The following NDST3 variants were observed in gnomAD, a reference collection of about 807,000 sequenced individuals.
The protein encoded by NDST3 is bifunctional heparan sulfate N-deacetylase/N-sulfotransferase 3.
A neutral mutation model predicts 96.1 loss-of-function variants in NDST3; 58 were observed. That is an observed-to-expected ratio of 0.60 (90% CI 0.49 to 0.75). The LOEUF is 0.75. Among genes scored for constraint, NDST3 ranks in the 30% least tolerant of loss-of-function variants. NDST3 has a pLI of 0.00. For synonymous variants in NDST3, 333 were observed against 359.7 expected (o/e 0.93, Z 0.84); for missense variants, 788 against 1,034.2 (o/e 0.76, Z 3.27).
At chr4:118,190,420 G>A (rs981442412) in intron 6 of NDST3, among the ~76,000 whole-genome samples, 2 of 152,096 alleles carry the variant, frequency 1.3e-5, no homozygotes, top group African/African-American at 4.8e-5. Context: ...ATGTCTATGT[G>A]TTAATTAATT....
intron 4 of NDST3, among the ~76,000 whole-genome samples, chr4:118,132,244 G>C (rs891792324): frequency 2.6e-5 from 4 of 152,172 alleles, no homozygotes; most frequent in African/African-American, 9.7e-5. Flanking sequence ...CTGACATTCT[G>C]TTCTACTATG....
At chr4:118,086,154 CT>C (rs1728400764) in intron 2 of NDST3, among the ~76,000 whole-genome samples, 1 of 152,114 alleles carries the variant, frequency 6.6e-6, no homozygotes, top group Non-Finnish European at 1.5e-5. Flanking sequence ...ACCCATAAAT[CT>C]TCTGTCCCTT....
chr4:118,125,681 A>G (rs1432299025), intron 4 of NDST3, among the ~76,000 whole-genome samples: 1 of 152,114 alleles, frequency 6.6e-6, no homozygotes, highest in Non-Finnish European at 1.5e-5. Context: ...ACACAGAATT[A>G]TAAACCTGGA....
intron 3 of NDST3, among the ~76,000 whole-genome samples, chr4:118,112,083 G>A (rs1417181994): frequency 6.6e-6 from 1 of 151,316 alleles, no homozygotes; most frequent in Non-Finnish European, 1.5e-5. Flanking sequence ...AATCTATAAA[G>A]AGAAGACATA....
rs140595945 is a variant in NDST3 at position 118,175,357 on chromosome 4, G to T, written c.1539+31673G>T. Among the ~76,000 whole-genome samples the T allele has an allele frequency of 1.5e-3, 226 of 151,704 alleles. 1 individual carries two copies. The highest frequency in any genetic ancestry group is 2.9e-3 in the Non-Finnish European group (194 of 67,886). On this transcript the variant is annotated intron_variant, in intron 6 of 13. Coordinates refer to ENST00000296499, the MANE Select transcript of NDST3 (RefSeq NM_004784.3). ...TATTTTCATTCCTCTAGTAACTTAG[G>T]CCTCCTCTTACTCTCAGTTCCTTTT...
intron 1 of NDST3, among the ~76,000 whole-genome samples, chr4:118,046,819 G>C (rs778655870): frequency 1.3e-5 from 2 of 152,194 alleles, no homozygotes; most frequent in Non-Finnish European, 2.9e-5. Flanking sequence ...CCTATTCATG[G>C]GCTGGAGTGG....
chr4:118,084,201 A>G (rs1183998820), intron 2 of NDST3, among the ~76,000 whole-genome samples: 4 of 152,020 alleles, frequency 2.6e-5, no homozygotes, highest in African/African-American at 9.7e-5. Context: ...CTAAATGAGT[A>G]GGTTTTAGCT....
At chr4:118,145,278 C>G (rs1234606150) in intron 6 of NDST3, among the ~76,000 whole-genome samples, 1 of 152,188 alleles carries the variant, frequency 6.6e-6, no homozygotes, top group Non-Finnish European at 1.5e-5. Context: ...AAAATGCTAA[C>G]ATTTTCACCA....
intron 3 of NDST3, among the ~76,000 whole-genome samples, chr4:118,110,908 G>T (rs6820061): frequency 6.6e-6 from 1 of 151,910 alleles, no homozygotes; most frequent in African/African-American, 2.4e-5. Flanking sequence ...GACATGGAAT[G>T]AACCTAGGTG....
chr4:118,236,441 A>G (rs1465696665), intron 9 of NDST3, among the ~76,000 whole-genome samples: 1 of 152,218 alleles, frequency 6.6e-6, no homozygotes, highest in Non-Finnish European at 1.5e-5. Context: ...GAATGTACAT[A>G]GTTTTTAAAC....
intron 6 of NDST3, chr4:118,193,972 G>A: frequency 1.0e-6 from 1 of 991,764 alleles, no homozygotes; most frequent in Non-Finnish European, 1.6e-6. Flanking sequence ...TCACTGTGGT[G>A]CTCTGCTCCA....
At chr4:118,066,622 T>TTATATATTATATATACATTATATATAA in intron 2 of NDST3, among the ~76,000 whole-genome samples, 1 of 7,330 alleles carries the variant, frequency 1.4e-4, no homozygotes, top group African/African-American at 1.9e-4. Context: ...ATATAACATG[T>TTATATATTATATATACATTATATATAA]TATATATTAT....
At chr4:118,227,909 G>C (rs780521952) in intron 8 of NDST3, among the ~76,000 whole-genome samples, 5 of 152,212 alleles carry the variant, frequency 3.3e-5, no homozygotes, top group African/African-American at 4.8e-5. Flanking sequence ...ACTGTACCCG[G>C]TCTATAAACT....
rs144176110 is a variant in NDST3, at chr4:118,079,221, C to A, written c.981+24330C>A. ...CTTACCTCTAATGAGAGGAAAAAGA[C>A]AAGAAACACATAAGAACCTGAGCAA... On this transcript the variant is annotated intron_variant, in intron 2 of 13. Transcript: ENST00000296499. Among the ~76,000 whole-genome samples the A allele has an allele frequency of 2.2e-4, 34 of 152,066 alleles. No individual in the cohort carries two copies. In the East Asian group the frequency reaches 6.6e-3, roughly 29 times the overall value.
intron 2 of NDST3, among the ~76,000 whole-genome samples, chr4:118,081,191 T>C (rs956339179): frequency 2.6e-5 from 4 of 152,332 alleles, no homozygotes; most frequent in South Asian, 2.1e-4. Flanking sequence ...ATGCAATGTG[T>C]GGCATTATAG....
At chr4:118,205,892 C>T (rs1234479560) in intron 6 of NDST3, among the ~76,000 whole-genome samples, 1 of 136,588 alleles carries the variant, frequency 7.3e-6, no homozygotes, top group African/African-American at 2.8e-5. Context: ...GAGTGCAGTG[C>T]CGCGATCTCG....
chr4:118,135,269 G>C lies in NDST3; in HGVS notation c.1225-2785G>C, dbSNP rs1423904432. Among the ~76,000 whole-genome samples the C allele has an allele frequency of 2.0e-5, 3 of 152,122 alleles. No homozygotes were observed. The East Asian group carries it at 5.8e-4, about 29-fold the overall frequency. ...CAGAAGAGAAGCAGGCTTAGGAAGG[G>C]GTAGTGGGGTAGAAGTCAGAGTTCA... On this transcript the variant is annotated intron_variant, in intron 4 of 13. Transcript: ENST00000296499.
intron 6 of NDST3, among the ~76,000 whole-genome samples, chr4:118,216,435 TA>T (rs1396048390): frequency 1.3e-5 from 2 of 152,138 alleles, no homozygotes; most frequent in African/African-American, 4.8e-5. Context: ...GGCAGTGTAT[TA>T]AAATTTTTTT....
chr4:118,069,355 C>T (rs80058850), intron 2 of NDST3, among the ~76,000 whole-genome samples: 5,617 of 151,984 alleles, frequency 0.037, 170 homozygotes, highest in Non-Finnish European at 0.058. Flanking sequence ...GGATAGAGTA[C>T]CCCATTAGGT....
Sources: allele counts gnomAD v4.1 joint callset (sites outside exome capture counted in the v4.1 genomes callset), GRCh38; gene constraint gnomAD v4.1.1; transcripts MANE v1.5; gene names NCBI Gene and HGNC (gene_info 2026-07-23, HGNC 2026-07-21).